Variants in FAT3 observed in about 807,000 individuals in gnomAD.
FAT3 encodes the protein protocadherin Fat 3.
In FAT3, 95 loss-of-function variants were observed where a neutral mutation model predicts 310.2. The ratio of observed to expected loss-of-function variants is 0.31; its 90% confidence interval spans 0.26 to 0.36. FAT3 has a LOEUF of 0.36. FAT3 is among the 10% of genes least tolerant of loss of function. The probability of loss-of-function intolerance (pLI) is 1.00; values close to 1 mark genes in which losing one functional copy is unlikely to be tolerated. For missense variants in FAT3, 5,408 were observed against 5,715.6 expected (o/e 0.95, Z 1.74); for synonymous variants, 2,314 against 2,192.9 (o/e 1.06, Z -1.54).
At chr11:92,652,828 C>T (rs1156829959) in intron 3 of FAT3, among the ~76,000 whole-genome samples, 1 of 152,218 alleles carries the variant, frequency 6.6e-6, no homozygotes, top group Non-Finnish European at 1.5e-5. Context: ...TCCTCATTTC[C>T]CTTTGCTTCT....
chr11:92,674,263 A>G (rs995590137), intron 3 of FAT3, among the ~76,000 whole-genome samples: 4 of 150,850 alleles, frequency 2.7e-5, no homozygotes, highest in Non-Finnish European at 5.9e-5. Context: ...ATGGAGAAAG[A>G]AGGAGTTTGG....
chr11:92,762,110 T>C lies in FAT3; in HGVS notation c.3924T>C (p.Pro1308=), dbSNP rs1350078524. ...GNDDGKFFID[P]KTGMVSSRKQ... is the part of the protein sequence containing the mutation. ...ATGACGGAAAGTTCTTTATTGACCC[T>C]AAAACTGGGATGGTTTCTTCTAGAA... The change falls in exon 5 of 28, where the codon CCT becomes CCC. Residue 1308 remains proline (P), a synonymous_variant. Transcript: ENST00000525166. 6.2e-7 allele frequency: 1 copy of C among 1,613,946 alleles called. No individual in the cohort carries two copies. Among genetic ancestry groups the C allele is most frequent in the Admixed American group, 1.7e-5 (1 of 60,016 alleles).
intron 1 of FAT3, among the ~76,000 whole-genome samples, chr11:92,282,125 T>G (rs928318644): frequency 1.3e-5 from 2 of 152,016 alleles, no homozygotes; most frequent in African/African-American, 4.8e-5. Context: ...AGGCTGGCCT[T>G]AAACTCCTGA....
intron 2 of FAT3, among the ~76,000 whole-genome samples, chr11:92,513,755 A>G (rs1256062415): frequency 6.6e-6 from 1 of 152,202 alleles, no homozygotes; most frequent in Non-Finnish European, 1.5e-5. Flanking sequence ...CATATACAAC[A>G]GATATGCCAT....
chr11:92,723,820 G>A (rs957491506), intron 4 of FAT3, among the ~76,000 whole-genome samples: 21 of 152,234 alleles, frequency 1.4e-4, no homozygotes, highest in African/African-American at 4.6e-4. Context: ...AGAACAGCAC[G>A]GGAAAGACCA....
chr11:92,444,558 GA>G (rs1476703868), intron 2 of FAT3, among the ~76,000 whole-genome samples: 4 of 150,912 alleles, frequency 2.7e-5, no homozygotes, highest in Non-Finnish European at 4.4e-5. Context: ...AAGAAAGAAT[GA>G]AACATGGTAA....
chr11:92,713,987 G>A (rs1296214349), intron 4 of FAT3, among the ~76,000 whole-genome samples: 1 of 149,836 alleles, frequency 6.7e-6, no homozygotes, highest in South Asian at 2.1e-4. Flanking sequence ...TCAAATAAAA[G>A]CATAAAGAAC....
At chr11:92,735,059 A>G (rs1945301478) in intron 4 of FAT3, among the ~76,000 whole-genome samples, 1 of 152,158 alleles carries the variant, frequency 6.6e-6, no homozygotes, top group South Asian at 2.1e-4. Context: ...AAACAGGCAA[A>G]GAGGATTCTA....
intron 13 of FAT3, among the ~76,000 whole-genome samples, chr11:92,830,947 G>A (rs564645416): frequency 1.3e-4 from 20 of 152,198 alleles, no homozygotes; most frequent in Admixed American, 9.8e-4. Context: ...CACCACTTCC[G>A]ACACCATCTG....
At chr11:92,824,283 G>C (rs1460142083) in intron 13 of FAT3, among the ~76,000 whole-genome samples, 1 of 152,128 alleles carries the variant, frequency 6.6e-6, no homozygotes, top group African/African-American at 2.4e-5. Flanking sequence ...CTTGAACCCA[G>C]GAGGCAGAGG....
intron 13 of FAT3, among the ~76,000 whole-genome samples, chr11:92,830,719 G>T (rs766185276): frequency 6.6e-6 from 1 of 152,048 alleles, no homozygotes; most frequent in Non-Finnish European, 1.5e-5. Context: ...TCTTTCTGCA[G>T]CCCTCCCCAT....
chr11:92,464,186 G>A (rs993540720), intron 2 of FAT3, among the ~76,000 whole-genome samples: 1 of 152,164 alleles, frequency 6.6e-6, no homozygotes, highest in African/African-American at 2.4e-5. Flanking sequence ...CAAACTGGTG[G>A]AGGGATTGTC....
chr11:92,738,262 T>G (rs1294251127), intron 4 of FAT3, among the ~76,000 whole-genome samples: 1 of 152,186 alleles, frequency 6.6e-6, no homozygotes, highest in Non-Finnish European at 1.5e-5. Flanking sequence ...AGATTTTTAC[T>G]GCAGGGACAT....
chr11:92,739,460 G>C (rs1412957752), intron 4 of FAT3, among the ~76,000 whole-genome samples: 1 of 152,038 alleles, frequency 6.6e-6, no homozygotes, highest in Non-Finnish European at 1.5e-5. Flanking sequence ...CTTTCTGATG[G>C]AATTTTTAAT....
At chr11:92,454,397 C>T (rs1202315176) in intron 2 of FAT3, among the ~76,000 whole-genome samples, 1 of 152,158 alleles carries the variant, frequency 6.6e-6, no homozygotes, top group African/African-American at 2.4e-5. Context: ...CCAGCCTGAT[C>T]TGGTCCCAAC....
intron 1 of FAT3, among the ~76,000 whole-genome samples, chr11:92,242,826 C>T (rs887750019): frequency 2.0e-5 from 3 of 152,006 alleles, no homozygotes; most frequent in Non-Finnish European, 4.4e-5. Flanking sequence ...TATTCAGTAA[C>T]TACTACTTAA....
At chr11:92,480,424 T>G (rs1447696468) in intron 2 of FAT3, among the ~76,000 whole-genome samples, 1 of 152,124 alleles carries the variant, frequency 6.6e-6, no homozygotes, top group Non-Finnish European at 1.5e-5. Flanking sequence ...CTTTTACCCA[T>G]GAATTAAGGA....
intron 2 of FAT3, among the ~76,000 whole-genome samples, chr11:92,470,605 C>CA (rs1951880116): frequency 6.6e-6 from 1 of 152,188 alleles, no homozygotes; most frequent in Admixed American, 6.5e-5. Flanking sequence ...ACATGGAACT[C>CA]ACAGAACTTC....
At chr11:92,413,193 A>G (rs1012067470) in intron 2 of FAT3, among the ~76,000 whole-genome samples, 2 of 152,122 alleles carry the variant, frequency 1.3e-5, no homozygotes, top group African/African-American at 4.8e-5. Context: ...ATTCTATACA[A>G]TTTTTAATGT....
Sources: allele counts gnomAD v4.1 joint callset (sites outside exome capture counted in the v4.1 genomes callset), GRCh38; gene constraint gnomAD v4.1.1; transcripts MANE v1.5; gene names NCBI Gene and HGNC (gene_info 2026-07-23, HGNC 2026-07-21).